Variants in PAK5 observed in about 807,000 individuals in gnomAD.
PAK5 encodes the protein p21 (RAC1) activated kinase 5, also known as serine/threonine-protein kinase PAK 5.
A neutral mutation model predicts 65.9 loss-of-function variants in PAK5; 16 were observed. The observed-to-expected ratio is 0.24, with a 90% CI of 0.16 to 0.37. The LOEUF (loss-of-function observed/expected upper bound fraction) is 0.37. Among genes scored for constraint, PAK5 ranks in the 10% least tolerant of loss-of-function variants. The probability of loss-of-function intolerance (pLI) is 1.00; values close to 1 mark genes in which losing one functional copy is unlikely to be tolerated. For synonymous variants in PAK5, 371 were observed against 354.9 expected (o/e 1.05, Z -0.51); for missense variants, 785 against 903.9 (o/e 0.87, Z 1.69).
intron 3 of PAK5, among the ~76,000 whole-genome samples, chr20:9,615,424 G>T (rs932760227): frequency 2.0e-5 from 3 of 152,314 alleles, no homozygotes; most frequent in African/African-American, 7.2e-5. Flanking sequence ...TGTAGGGGCA[G>T]GGGGCATATG....
At chr20:9,566,936 G>A (rs2045693012) in intron 4 of PAK5, among the ~76,000 whole-genome samples, 1 of 152,134 alleles carries the variant, frequency 6.6e-6, no homozygotes, top group African/African-American at 2.4e-5. Context: ...AAATGAAAAT[G>A]ATGCTAGACC....
intron 2 of PAK5, among the ~76,000 whole-genome samples, chr20:9,685,433 C>A (rs1274105597): frequency 6.6e-6 from 1 of 152,134 alleles, no homozygotes; most frequent in African/African-American, 2.4e-5. Context: ...CACGGATATA[C>A]ACAGGGAGAA....
intron 2 of PAK5, among the ~76,000 whole-genome samples, chr20:9,665,098 T>TTTTTTTTTTTTTTTTTTTTC: frequency 6.8e-6 from 1 of 147,360 alleles, no homozygotes; most frequent in African/African-American, 2.5e-5. Context: ...TTTTTTTTTT[T>TTTTTTTTTTTTTTTTTTTTC]TTGTAGTGAT....
intron 3 of PAK5, among the ~76,000 whole-genome samples, chr20:9,617,199 T>C (rs1042588736): frequency 6.6e-6 from 1 of 152,226 alleles, no homozygotes; most frequent in Non-Finnish European, 1.5e-5. Flanking sequence ...AAAGCTTCAA[T>C]ACATCTGATG....
At chr20:9,722,577 A>C (rs2048229206) in intron 1 of PAK5, among the ~76,000 whole-genome samples, 2 of 151,780 alleles carry the variant, frequency 1.3e-5, no homozygotes, top group African/African-American at 4.8e-5. Flanking sequence ...GCGCCACTGC[A>C]CTCCAGCCTG....
chr20:9,673,639 TTAATGGCAGTTTATC>T (rs1333698616), intron 2 of PAK5, among the ~76,000 whole-genome samples: 15 of 152,218 alleles, frequency 9.9e-5, no homozygotes, highest in Non-Finnish European at 2.1e-4. Flanking sequence ...TCTGGTTGAT[TTAATGGCAGTTTATC>T]TGCCTCCTAA....
At chr20:9,722,189 C>T (rs1016690560) in intron 1 of PAK5, among the ~76,000 whole-genome samples, 13 of 151,960 alleles carry the variant, frequency 8.6e-5, no homozygotes, top group Admixed American at 2.6e-4. Context: ...GTCATCCAGG[C>T]CAGGGAGTTA....
intron 2 of PAK5, among the ~76,000 whole-genome samples, chr20:9,695,540 G>C (rs2047857321): frequency 6.6e-6 from 1 of 152,028 alleles, no homozygotes; most frequent in Non-Finnish European, 1.5e-5. Flanking sequence ...GGGAAATGCA[G>C]TGACCTTTAA....
chr20:9,597,903 G>A (rs1355754769), intron 3 of PAK5, among the ~76,000 whole-genome samples: 3 of 152,232 alleles, frequency 2.0e-5, no homozygotes, highest in African/African-American at 7.2e-5. Context: ...CATGGGTCAA[G>A]CACAGGCCAA....
At chr20:9,596,481 A>C (rs2046268274) in intron 3 of PAK5, among the ~76,000 whole-genome samples, 1 of 151,756 alleles carries the variant, frequency 6.6e-6, no homozygotes, top group African/African-American at 2.4e-5. Context: ...CTAAAAATAC[A>C]AAAAATTAGC....
chr20:9,730,091 TCTC>T (rs1339601008), intron 1 of PAK5, among the ~76,000 whole-genome samples: 1 of 151,564 alleles, frequency 6.6e-6, no homozygotes, highest in Non-Finnish European at 1.5e-5. Flanking sequence ...TAAATCATGT[TCTC>T]CTAAAAACAG....
In PAK5 at chr20:9,727,262, G is replaced by A. The variant is rs548112314; in HGVS notation, c.-161-15827C>T. ...ATCAAAAGTGTACTATACGGTAAAG[G>A]TTGCAAACTGATGACCCAAGGGCAA... On this transcript the variant is annotated intron_variant, in intron 1 of 9. Coordinates refer to ENST00000353224, the MANE Select transcript of PAK5 (RefSeq NM_177990.4). 5.9e-5 allele frequency among the ~76,000 whole-genome samples: 9 copies of A among 152,228 alleles called. No homozygotes were observed. In the South Asian group the frequency reaches 8.3e-4, roughly 14 times the overall value.
intron 1 of PAK5, among the ~76,000 whole-genome samples, chr20:9,804,946 A>T (rs1471771612): frequency 6.6e-6 from 1 of 152,166 alleles, no homozygotes; most frequent in African/African-American, 2.4e-5. Flanking sequence ...AAGGTGACCC[A>T]CAAAATGGGA....
intron 1 of PAK5, among the ~76,000 whole-genome samples, chr20:9,777,337 C>T (rs555102071): frequency 2.6e-4 from 39 of 152,178 alleles, no homozygotes; most frequent in Non-Finnish European, 4.1e-4. Flanking sequence ...GGGAAGAACC[C>T]GGTGGGAGGT....
At chr20:9,735,774 G>C (rs1212949869) in intron 1 of PAK5, among the ~76,000 whole-genome samples, 1 of 151,922 alleles carries the variant, frequency 6.6e-6, no homozygotes, top group Non-Finnish European at 1.5e-5. Flanking sequence ...TGTAATCCCA[G>C]CACTTTGGGA....
chr20:9,836,472 T>C (rs766955244), intron 1 of PAK5, among the ~76,000 whole-genome samples: 1 of 152,210 alleles, frequency 6.6e-6, no homozygotes, highest in Non-Finnish European at 1.5e-5. Flanking sequence ...ATTGGAGTTA[T>C]GCTGCCACAA....
At chr20:9,641,707 C>A (rs1345224708) in intron 3 of PAK5, among the ~76,000 whole-genome samples, 2 of 152,036 alleles carry the variant, frequency 1.3e-5, no homozygotes, top group Admixed American at 1.3e-4. Flanking sequence ...TCAGGCATGG[C>A]GGGCTGCAGG....
chr20:9,711,893 G>T (rs1180905446), intron 1 of PAK5, among the ~76,000 whole-genome samples: 3 of 152,204 alleles, frequency 2.0e-5, no homozygotes, highest in Admixed American at 6.5e-5. Flanking sequence ...GTTACTAGGA[G>T]AAATAGAGGG....
chr20:9,552,101 T>A (rs1282256809), intron 7 of PAK5, among the ~76,000 whole-genome samples: 2 of 152,174 alleles, frequency 1.3e-5, no homozygotes, highest in Non-Finnish European at 2.9e-5. Flanking sequence ...GCCAGACCCT[T>A]TGATTTTTCA....
Sources: allele counts gnomAD v4.1 joint callset (sites outside exome capture counted in the v4.1 genomes callset), GRCh38; gene constraint gnomAD v4.1.1; transcripts MANE v1.5; gene names NCBI Gene and HGNC (gene_info 2026-07-23, HGNC 2026-07-21).